The following CDHR3 variants were observed in gnomAD, a reference collection of about 807,000 sequenced individuals.
CDHR3 encodes the protein cadherin related family member 3.
CDHR3 carries 79 observed loss-of-function variants against 86.6 expected under a neutral mutation model. The ratio of observed to expected loss-of-function variants is 0.91; its 90% CI spans 0.76 to 1.10. The LOEUF (loss-of-function observed/expected upper bound fraction) is 1.10. CDHR3 is among the 50% of genes least tolerant of loss of function. The probability of loss-of-function intolerance (pLI) is 0.00; values close to 1 mark genes in which losing one functional copy is unlikely to be tolerated. For missense variants in CDHR3, 1,081 were observed against 1,077.6 expected (o/e 1.00, Z -0.04); for synonymous variants, 421 against 402.4 (o/e 1.05, Z -0.55).
intron 5 of CDHR3, among the ~76,000 whole-genome samples, chr7:105,995,826 A>G (rs572704054): frequency 6.6e-6 from 1 of 152,222 alleles, no homozygotes; most frequent in Admixed American, 6.5e-5. Context: ...GGGGAAGTGG[A>G]TGACAACACA....
chr7:105,995,848 G>A (rs12155008), intron 5 of CDHR3, among the ~76,000 whole-genome samples: 22,507 of 152,116 alleles, frequency 0.15, 2,123 homozygotes, highest in Middle Eastern at 0.29. Flanking sequence ...TGGCCTTGGG[G>A]TGAAGCAGGT....
chr7:105,992,469 GC>G (rs137886365), intron 4 of CDHR3, among the ~76,000 whole-genome samples: 321 of 152,322 alleles, frequency 2.1e-3, no homozygotes, highest in Non-Finnish European at 3.2e-3. Flanking sequence ...TTAATGGGGG[GC>G]TTGGGATTTA....
intron 11 of CDHR3, among the ~76,000 whole-genome samples, chr7:106,016,237 G>C (rs1835609705): frequency 6.6e-6 from 1 of 152,202 alleles, no homozygotes; most frequent in African/African-American, 2.4e-5. Context: ...TTTGAAAACT[G>C]TTGGTTAAAC....
At chr7:106,004,352 G>A (rs1585713005) in intron 7 of CDHR3, 146 bp from the exon 8 acceptor site, 2 of 663,898 alleles carry the variant, frequency 3.0e-6, no homozygotes, top group Non-Finnish European at 2.6e-6. Context: ...GGAACTTAAT[G>A]GGTTTTCAAA....
In CDHR3 at chr7:105,976,470, G is replaced by A. The variant is rs901095652; in HGVS notation, c.249+1424G>A. 3.0e-4 allele frequency among the ~76,000 whole-genome samples: 45 copies of A among 152,112 alleles called. 1 individual carries two copies. The highest frequency in any genetic ancestry group is 2.4e-5 in the African/African-American group (1 of 41,422). ...AGCTTTATTGAGTATAATTCACAGA[G>A]CATATACTCCAGCCATTTAAATTGT... On this transcript the variant is annotated intron_variant, in intron 2 of 18. Coordinates refer to ENST00000317716, the MANE Select transcript of CDHR3 (RefSeq NM_152750.5).
intron 4 of CDHR3, among the ~76,000 whole-genome samples, chr7:105,990,664 G>A (rs1386990057): frequency 6.6e-6 from 1 of 152,146 alleles, no homozygotes; most frequent in African/African-American, 2.4e-5. Flanking sequence ...AGCCTGCGGT[G>A]GCCTGGTAGT....
At chr7:106,021,317 A>G (rs1212206527) in intron 13 of CDHR3, among the ~76,000 whole-genome samples, 2 of 152,196 alleles carry the variant, frequency 1.3e-5, no homozygotes, top group African/African-American at 4.8e-5. Context: ...TTGGCCGAGC[A>G]GGAACTTGAA....
chr7:106,008,986 C>G (rs1334274088), intron 8 of CDHR3, among the ~76,000 whole-genome samples: 1 of 152,168 alleles, frequency 6.6e-6, no homozygotes, highest in Non-Finnish European at 1.5e-5. Context: ...CCAGAGTCCC[C>G]TGGAGTATGG....
intron 1 of CDHR3, among the ~76,000 whole-genome samples, chr7:105,971,161 G>A (rs1031221706): frequency 7.0e-6 from 1 of 142,824 alleles, no homozygotes; most frequent in African/African-American, 2.6e-5. Flanking sequence ...AAAAAAATCA[G>A]TATCCCTAGG....
chr7:105,967,167 A>C (rs1827093552), intron 1 of CDHR3, among the ~76,000 whole-genome samples: 1 of 151,798 alleles, frequency 6.6e-6, no homozygotes, highest in Non-Finnish European at 1.5e-5. Flanking sequence ...AAGTGTTCTC[A>C]TTGTTCACTT....
In CDHR3 at chr7:105,971,015, C is replaced by A. The variant is rs538521972; in HGVS notation, c.47-3829C>A. 5.9e-5 allele frequency among the ~76,000 whole-genome samples: 9 copies of A among 152,158 alleles called. 1 individual carries two copies. Among genetic ancestry groups the A allele is most frequent in the African/African-American group, 2.2e-4 (9 of 41,514 alleles). On this transcript the variant is annotated intron_variant, in intron 1 of 18. Transcript: ENST00000317716. ...AAATAGCCAGGCATGGTGGCAGGTG[C>A]CTGTGGTCCCAGCTGCTCAGGAGGC...
intron 1 of CDHR3, among the ~76,000 whole-genome samples, chr7:105,965,707 C>A (rs187452859): frequency 1.1e-4 from 17 of 152,158 alleles, no homozygotes; most frequent in African/African-American, 4.1e-4. Flanking sequence ...CAGTGCTCAG[C>A]CAAAAGTAGC....
intron 9 of CDHR3, among the ~76,000 whole-genome samples, chr7:106,014,592 A>G (rs1211231559): frequency 6.6e-6 from 1 of 152,198 alleles, no homozygotes; most frequent in African/African-American, 2.4e-5. Flanking sequence ...GTGAATAGCC[A>G]CTGCACACCA....
intron 1 of CDHR3, among the ~76,000 whole-genome samples, chr7:105,969,393 G>A (rs1377314710): frequency 4.9e-5 from 4 of 80,966 alleles, no homozygotes; most frequent in East Asian, 6.4e-4. Context: ...GCGAGACTCC[G>A]TCTCAAAAAA....
intron 18 of CDHR3, among the ~76,000 whole-genome samples, chr7:106,031,070 G>T (rs1838263146): frequency 6.6e-6 from 1 of 152,274 alleles, no homozygotes; most frequent in Admixed American, 6.5e-5. Flanking sequence ...GGCCTCAGTG[G>T]GTCTCCACCT....
intron 4 of CDHR3, among the ~76,000 whole-genome samples, chr7:105,992,338 T>G (rs895091190): frequency 6.6e-6 from 1 of 152,178 alleles, no homozygotes; most frequent in African/African-American, 2.4e-5. Flanking sequence ...TAGCTTAAGG[T>G]GCTGATTTAT....
rs1370025102 is a variant in CDHR3, at chr7:105,996,311, G to A, written c.670G>A (p.Val224Met). ...CCTCAAAGCCTCCACAGAGCTCCAGGTGAACATCGTGAACCTCAACGACGA... is the reference window on the plus strand; with the variant it reads ...CCTCAAAGCCTCCACAGAGCTCCAGATGAACATCGTGAACCTCAACGACGA... ...GGLKASTELQ[V>M]NIVNLNDEVP... The change falls in exon 6 of 19, where the codon GTG (valine) becomes ATG (methionine). Residue 224 changes from valine to methionine, a missense_variant. By Grantham distance (21) the Val-to-Met change is conservative. Coordinates refer to ENST00000317716, the MANE Select transcript of CDHR3 (RefSeq NM_152750.5). The A allele has an allele frequency of 1.9e-6, 3 of 1,599,640 alleles. No individual in the cohort carries two copies. The highest frequency in any genetic ancestry group is 1.7e-6 in the Non-Finnish European group (2 of 1,168,682).
chr7:106,011,483 G>A (rs2115835269), intron 8 of CDHR3, among the ~76,000 whole-genome samples: 1 of 152,282 alleles, frequency 6.6e-6, no homozygotes, highest in East Asian at 1.9e-4. Context: ...CACCAGGCAT[G>A]TGAGTGAGGC....
intron 7 of CDHR3, among the ~76,000 whole-genome samples, chr7:106,003,918 G>T (rs1483585352): frequency 4.8e-5 from 6 of 126,050 alleles, no homozygotes; most frequent in Non-Finnish European, 6.4e-5. Context: ...GAGGTTTTTG[G>T]TTTTTTTCTG....
Sources: gnomAD v4.1 joint callset for allele counts (sites outside exome capture counted in the v4.1 genomes callset) on GRCh38, gnomAD v4.1.1 for gene constraint, MANE v1.5 for transcripts, NCBI Gene and HGNC (gene_info 2026-07-23, HGNC 2026-07-21) for gene names.